The following NINL variants were observed in gnomAD, a reference collection of about 807,000 sequenced individuals.
NINL encodes ninein-like protein.
NINL carries 153 observed loss-of-function variants against 160.3 expected under a neutral mutation model. The ratio of observed to expected loss-of-function variants is 0.95; its 90% confidence interval spans 0.84 to 1.09. NINL has a LOEUF of 1.09. Among genes scored for constraint, NINL ranks in the 50% least tolerant of loss-of-function variants. The probability of loss-of-function intolerance (pLI) is 0.00; values close to 1 mark genes in which losing one functional copy is unlikely to be tolerated. For missense variants in NINL, 1,829 were observed against 1,764.0 expected, an observed-to-expected ratio of 1.04 and a Z score of -0.66; for synonymous variants, 800 against 734.8, an observed-to-expected ratio of 1.09 and a Z score of -1.43.
intron 5 of NINL, among the ~76,000 whole-genome samples, chr20:25,506,876 T>G (rs1014057853): frequency 4.6e-5 from 7 of 152,174 alleles, no homozygotes; most frequent in Non-Finnish European, 2.9e-5. Context: ...CCCCACATAT[T>G]TGATTCATAT....
At chr20:25,487,065 A>G (rs983459529) in intron 13 of NINL, among the ~76,000 whole-genome samples, 1 of 152,204 alleles carries the variant, frequency 6.6e-6, no homozygotes, top group Non-Finnish European at 1.5e-5. Flanking sequence ...ACACGGAAAG[A>G]ATGAGCTGTA....
Position 25,476,953 on chromosome 20 carries a change from C to T in NINL, c.2338G>A (p.Glu780Lys). 1.2e-6 allele frequency: 2 copies of T among 1,609,998 alleles called. No homozygotes were observed. The highest frequency in any genetic ancestry group is 1.1e-5 in the South Asian group (1 of 91,054). The change falls in exon 17 of 24, where the codon GAG (glutamate) becomes AAG (lysine). Residue 780 changes from glutamate (E) to lysine (K), a missense_variant. Physicochemically the swap from Glu to Lys is moderately conservative, Grantham distance 56. Transcript: ENST00000278886. ...TGCAGCTTCAGTGCCCTCTCCAGCT[C>T]CAGCTGCTCCGACCTCTGGCTCCCG... ...PRGSQRSEQL[E>K]LERALKLQPC...
At chr20:25,560,519 C>T (rs955567328) in intron 1 of NINL, among the ~76,000 whole-genome samples, 2 of 152,156 alleles carry the variant, frequency 1.3e-5, no homozygotes, top group Non-Finnish European at 2.9e-5. Flanking sequence ...CTGACTGAGC[C>T]AAGGCCTGGA....
intron 1 of NINL, among the ~76,000 whole-genome samples, chr20:25,584,666 C>T (rs2065208062): frequency 6.6e-6 from 1 of 152,202 alleles, no homozygotes; most frequent in African/African-American, 2.4e-5. Flanking sequence ...TCTTCCTGAA[C>T]CTCCTCCCTA....
chr20:25,568,827 C>T (rs1183106393), intron 1 of NINL, among the ~76,000 whole-genome samples: 1 of 151,950 alleles, frequency 6.6e-6, no homozygotes, highest in African/African-American at 2.4e-5. Flanking sequence ...TGGCTCATCC[C>T]TATAATCCCA....
intron 1 of NINL, among the ~76,000 whole-genome samples, chr20:25,568,143 T>C (rs765429682): frequency 1.1e-4 from 16 of 151,950 alleles, no homozygotes; most frequent in Non-Finnish European, 2.4e-4. Flanking sequence ...AAGCTGATTT[T>C]TGAAGTTCAA....
At chr20:25,520,990 T>C (rs1293839476) in intron 2 of NINL, among the ~76,000 whole-genome samples, 1 of 152,228 alleles carries the variant, frequency 6.6e-6, no homozygotes, top group African/African-American at 2.4e-5. Flanking sequence ...TGCTTGGAAT[T>C]CCATGGGCTT....
At chr20:25,568,690 A>G (rs960198967) in intron 1 of NINL, among the ~76,000 whole-genome samples, 1 of 151,924 alleles carries the variant, frequency 6.6e-6, no homozygotes, top group Non-Finnish European at 1.5e-5. Context: ...GGATTACAGG[A>G]GTAAGCCACC....
rs527476487 is a variant in NINL at position 25,499,268 on chromosome 20, G to A, written c.1033-922C>T. The A allele has an allele frequency of 3.3e-3, 3,200 of 979,620 alleles. 3 individuals are homozygous for A. Among genetic ancestry groups the A allele is most frequent in the Non-Finnish European group, 3.5e-3 (2,880 of 824,642 alleles). 60.7% of individuals were successfully genotyped at this position (979,620 alleles called of 1,614,324 possible). A position where few individuals can be genotyped will look rare whatever the true frequency, so the allele number is the denominator to read the frequency against. On this transcript the variant is annotated intron_variant, in intron 8 of 23. Transcript: ENST00000278886. Reference sequence around the variant, plus strand: ...GCTCCCCACCACGTCACTGGATGGCGTAGAGGGACAGAACCGCCACAGCAG... The same window carrying A: ...GCTCCCCACCACGTCACTGGATGGCATAGAGGGACAGAACCGCCACAGCAG...
Position 25,458,365 on chromosome 20 carries a change from C to G in NINL, c.3843+18G>C, listed in dbSNP as rs370396142. On this transcript the variant is annotated intron_variant, in intron 22 of 23. Coordinates refer to ENST00000278886, the MANE Select transcript of NINL (RefSeq NM_025176.6). ...CCTCCTCATCTCGTCAGCCATCTCT[C>G]GCTGCATCCCCACTTACCCGCTGTG... 6.2e-7 allele frequency: 1 copy of G among 1,604,550 alleles called. No individual in the cohort carries two copies. Among genetic ancestry groups the G allele is most frequent in the Non-Finnish European group, 8.5e-7 (1 of 1,179,942 alleles).
intron 18 of NINL, among the ~76,000 whole-genome samples, chr20:25,468,651 A>C (rs1182559004): frequency 8.4e-3 from 193 of 22,854 alleles, no homozygotes; most frequent in Admixed American, 0.015. Flanking sequence ...CCTGTCCCCC[A>C]ATTCTCACTG....
At chr20:25,528,396 A>T (rs1265146668) in intron 1 of NINL, among the ~76,000 whole-genome samples, 1 of 152,320 alleles carries the variant, frequency 6.6e-6, no homozygotes, top group East Asian at 1.9e-4. Flanking sequence ...AAAACTTTAT[A>T]ATAATAGTAA....
chr20:25,520,531 T>C (rs962694126), intron 2 of NINL, among the ~76,000 whole-genome samples: 42 of 152,240 alleles, frequency 2.8e-4, no homozygotes, highest in African/African-American at 9.4e-4. Flanking sequence ...AGCTCACTTT[T>C]GGCATATAGT....
intron 1 of NINL, among the ~76,000 whole-genome samples, chr20:25,561,544 T>C (rs2064937658): frequency 6.7e-6 from 1 of 148,448 alleles, no homozygotes; most frequent in Non-Finnish European, 1.5e-5. Context: ...GTCTGGAAAG[T>C]GAGAAGCGTC....
intron 5 of NINL, among the ~76,000 whole-genome samples, chr20:25,508,427 C>A (rs1296133981): frequency 6.6e-6 from 1 of 152,250 alleles, no homozygotes; most frequent in Non-Finnish European, 1.5e-5. Flanking sequence ...CTACTCCCTG[C>A]CCTGCATGGT....
At chr20:25,574,583 C>T (rs367971344) in intron 1 of NINL, among the ~76,000 whole-genome samples, 5 of 152,312 alleles carry the variant, frequency 3.3e-5, no homozygotes, top group African/African-American at 1.2e-4. Flanking sequence ...GAAGTGTCCA[C>T]ATCTCCCCTC....
At chr20:25,557,548 A>G (rs184764131) in intron 1 of NINL, among the ~76,000 whole-genome samples, 2 of 152,166 alleles carry the variant, frequency 1.3e-5, no homozygotes, top group Non-Finnish European at 2.9e-5. Context: ...AGAAAAGGAA[A>G]AAAAAAAGAG....
In NINL at chr20:25,498,202, C is replaced by T; in HGVS notation, c.1169+8G>A. The T allele has an allele frequency of 6.2e-7, 1 of 1,612,172 alleles. No individual in the cohort carries two copies. Among genetic ancestry groups the T allele is most frequent in the Non-Finnish European group, 8.5e-7 (1 of 1,179,968 alleles). On this transcript the variant is annotated splice_region_variant and intron_variant, in intron 9 of 23. Coordinates refer to ENST00000278886, the MANE Select transcript of NINL (RefSeq NM_025176.6). ...TGCCACGTTCCCCAGTCCCCTGTGGCCTCTTACTGCTGGTAGCTCAGCTCC... is the reference window on the plus strand; with the variant it reads ...TGCCACGTTCCCCAGTCCCCTGTGGTCTCTTACTGCTGGTAGCTCAGCTCC...
rs1568883787 is a variant in NINL at position 25,480,271 on chromosome 20, CA to C, written c.1811-5del. 1.9e-6 allele frequency: 3 copies of C among 1,611,730 alleles called. No individual in the cohort carries two copies. The Admixed American group carries it at 5.0e-5, about 27-fold the overall frequency. ...GAATTACCCAGGAATGAAATGCCTG[CA>C]AACAAGAGGCCACTTCCGTTTGTCA... On this transcript the variant is annotated splice_polypyrimidine_tract_variant and splice_region_variant and intron_variant, in intron 14 of 23. Coordinates refer to ENST00000278886, the MANE Select transcript of NINL (RefSeq NM_025176.6).
Sources: allele counts gnomAD v4.1 joint callset (sites outside exome capture counted in the v4.1 genomes callset), GRCh38; gene constraint gnomAD v4.1.1; transcripts MANE v1.5; gene names NCBI Gene and HGNC (gene_info 2026-07-23, HGNC 2026-07-21).